Variants in SH3BGRL2 observed in about 807,000 individuals in gnomAD.
SH3BGRL2 encodes the protein SH3 domain binding glutamate rich protein like 2, also known as SH3 domain-binding glutamic acid-rich-like protein 2.
A neutral mutation model predicts 14.8 loss-of-function variants in SH3BGRL2; 21 were observed. The observed-to-expected ratio is 1.42, with a 90% CI of 1.01 to 2.05. The LOEUF is 2.05. SH3BGRL2 is among the 30% of genes most tolerant of loss of function. SH3BGRL2 has a pLI of 0.00. For missense variants in SH3BGRL2, 147 were observed against 130.8 expected, an observed-to-expected ratio of 1.12 and a Z score of -0.61; for synonymous variants, 50 against 47.8, an observed-to-expected ratio of 1.05 and a Z score of -0.19.
At chr6:79,567,689 A>G in the SH3BGRL2 span, among the ~76,000 whole-genome samples, 3 of 152,370 alleles carry the variant, frequency 2.0e-5, no homozygotes, top group East Asian at 3.9e-4. Context: ...TTGCAAATGT[A>G]TGTTACAAAA....
chr6:79,657,470 A>G (rs1270127149), intron 1 of SH3BGRL2, among the ~76,000 whole-genome samples: 1 of 152,136 alleles, frequency 6.6e-6, no homozygotes, highest in Non-Finnish European at 1.5e-5. Flanking sequence ...CTGGTGGTGG[A>G]GGAGTTGTAG....
chr6:79,690,246 C>T (rs995619526), intron 2 of SH3BGRL2, among the ~76,000 whole-genome samples: 5 of 152,106 alleles, frequency 3.3e-5, no homozygotes, highest in Non-Finnish European at 7.4e-5. Flanking sequence ...CACACCTCAG[C>T]CTCCCAAAGC....
intron 1 of SH3BGRL2, among the ~76,000 whole-genome samples, chr6:79,671,100 G>C (rs937430493): frequency 7.9e-5 from 12 of 152,004 alleles, no homozygotes; most frequent in African/African-American, 2.7e-4. Flanking sequence ...AACTACCATT[G>C]TTTTGCTTCC....
intron 1 of SH3BGRL2, among the ~76,000 whole-genome samples, chr6:79,640,564 A>T (rs1312221679): frequency 6.6e-6 from 1 of 152,150 alleles, no homozygotes; most frequent in Non-Finnish European, 1.5e-5. Context: ...TACTATTGAC[A>T]GCTTATTCCC....
chr6:79,578,013 C>A, the SH3BGRL2 span, among the ~76,000 whole-genome samples: 1 of 152,360 alleles, frequency 6.6e-6, no homozygotes. Context: ...GAGCCTTGCA[C>A]ACTGCTAGCG....
chr6:79,547,701 A>G, the SH3BGRL2 span, among the ~76,000 whole-genome samples: 16 of 152,330 alleles, frequency 1.1e-4, no homozygotes, highest in African/African-American at 3.8e-4. Context: ...AACTGAAAGT[A>G]ATCAGAATAT....
At chr6:79,640,035 G>C (rs890383495) in intron 1 of SH3BGRL2, among the ~76,000 whole-genome samples, 5 of 152,120 alleles carry the variant, frequency 3.3e-5, no homozygotes, top group African/African-American at 1.2e-4. Context: ...TCTAGTTTTA[G>C]CTTAAGAACA....
chr6:79,657,376 T>C (rs997071081), intron 1 of SH3BGRL2, among the ~76,000 whole-genome samples: 1 of 152,116 alleles, frequency 6.6e-6, no homozygotes, highest in Non-Finnish European at 1.5e-5. Flanking sequence ...CAGTATTTGG[T>C]AGCTGAAGGA....
chr6:79,619,721 G>T, the SH3BGRL2 span, among the ~76,000 whole-genome samples: 2 of 152,138 alleles, frequency 1.3e-5, no homozygotes, highest in East Asian at 3.9e-4. Flanking sequence ...TTCAAGTTTA[G>T]GTGGGAAGAT....
intron 2 of SH3BGRL2, among the ~76,000 whole-genome samples, chr6:79,679,810 G>C (rs1340573722): frequency 6.6e-6 from 1 of 152,066 alleles, no homozygotes; most frequent in East Asian, 1.9e-4. Context: ...TTGTGGTTTT[G>C]ATTTGTACAT....
chr6:79,669,366 C>A (rs989309861), intron 1 of SH3BGRL2, among the ~76,000 whole-genome samples: 2 of 151,878 alleles, frequency 1.3e-5, no homozygotes, highest in Admixed American at 6.6e-5. Context: ...ATCTCACAGG[C>A]CTTTCTACCT....
chr6:79,661,357 C>T (rs920711430), intron 1 of SH3BGRL2, among the ~76,000 whole-genome samples: 2 of 152,270 alleles, frequency 1.3e-5, no homozygotes, highest in Admixed American at 6.5e-5. Flanking sequence ...TTTCAAAGAA[C>T]ATCTTTATTT....
chr6:79,620,528 G>A, the SH3BGRL2 span, among the ~76,000 whole-genome samples: 1 of 152,012 alleles, frequency 6.6e-6, no homozygotes, highest in South Asian at 2.1e-4. Context: ...TGTTTCATGG[G>A]ACTTTGGAGA....
intron 1 of SH3BGRL2, among the ~76,000 whole-genome samples, chr6:79,669,671 C>A (rs1476052133): frequency 6.6e-6 from 1 of 152,052 alleles, no homozygotes; most frequent in Non-Finnish European, 1.5e-5. Flanking sequence ...TCTCAAACTC[C>A]TGACCTCAGG....
chr6:79,699,483 TTTTTTTTTTTA>T lies in SH3BGRL2; in HGVS notation c.313-13_313-3del, dbSNP rs1770406666. On this transcript the variant is annotated splice_polypyrimidine_tract_variant and splice_region_variant and intron_variant, in intron 3 of 3. Transcript: ENST00000369838. ...ACTGACTTTTTTTTTTTTTTTTTTT[TTTTTTTTTTTA>T]TAGGCAGAACCTTAGAGAAGAAGAG... 6.6e-7 allele frequency: 1 copy of T among 1,515,360 alleles called. No individual in the cohort carries two copies. The highest frequency in any genetic ancestry group is 2.3e-5 in the East Asian group (1 of 42,956). 93.9% of individuals were successfully genotyped at this position (1,515,360 alleles called of 1,614,324 possible). A position where few individuals can be genotyped will look rare whatever the true frequency, so the allele number is the denominator to read the frequency against.
chr6:79,621,183 A>T, the SH3BGRL2 span, among the ~76,000 whole-genome samples: 1 of 152,148 alleles, frequency 6.6e-6, no homozygotes, highest in African/African-American at 2.4e-5. Flanking sequence ...GTTAGGTTTT[A>T]TCACTATCTC....
At chr6:79,625,247 T>TATATAC in the SH3BGRL2 span, among the ~76,000 whole-genome samples, 2 of 150,276 alleles carry the variant, frequency 1.3e-5, no homozygotes, top group Admixed American at 1.3e-4. Context: ...CATATATATA[T>TATATAC]ACACACACAC....
intron 2 of SH3BGRL2, among the ~76,000 whole-genome samples, chr6:79,677,688 C>G (rs1253279626): frequency 6.6e-6 from 1 of 152,184 alleles, no homozygotes; most frequent in Non-Finnish European, 1.5e-5. Flanking sequence ...GTCTTGACAA[C>G]TCCTATGATA....
At chr6:79,680,137 T>C (rs1031603436) in intron 2 of SH3BGRL2, among the ~76,000 whole-genome samples, 5 of 152,210 alleles carry the variant, frequency 3.3e-5, no homozygotes, top group African/African-American at 1.2e-4. Flanking sequence ...CTTGGTATCA[T>C]ATCCAGAAAA....
Sources: gnomAD v4.1 joint callset for allele counts (sites outside exome capture counted in the v4.1 genomes callset) on GRCh38, gnomAD v4.1.1 for gene constraint, MANE v1.5 for transcripts, NCBI Gene and HGNC (gene_info 2026-07-23, HGNC 2026-07-21) for gene names.